The following HOXA3 variants were observed in gnomAD, a reference collection of about 807,000 sequenced individuals.
The protein encoded by HOXA3 is homeobox protein Hox-A3.
In HOXA3, 8 loss-of-function variants were observed where a neutral mutation model predicts 30.3. The observed-to-expected ratio is 0.26, with a 90% CI of 0.15 to 0.48. The LOEUF is 0.48. Among genes scored for constraint, HOXA3 ranks in the 20% least tolerant of loss-of-function variants. The pLI is 0.99. For missense variants in HOXA3, 653 were observed against 614.4 expected, an observed-to-expected ratio of 1.06 and a Z score of -0.66; for synonymous variants, 323 against 273.1, an observed-to-expected ratio of 1.18 and a Z score of -1.80.
At chr7:27,136,483 T>C (rs527468427) in intron 2 of HOXA3, among the ~76,000 whole-genome samples, 1 of 152,292 alleles carries the variant, frequency 6.6e-6, no homozygotes, top group Non-Finnish European at 1.5e-5. Context: ...TGGAGACACT[T>C]TTTCCCTTTA....
chr7:27,119,158 CA>C (rs1448394023), intron 4 of HOXA3, among the ~76,000 whole-genome samples: 64 of 84,710 alleles, frequency 7.6e-4, no homozygotes, highest in Middle Eastern at 5.2e-3. Flanking sequence ...CCCCCCCCCC[CA>C]AAAAAAATAA....
intron 1 of HOXA3, chr7:27,147,114 G>T (rs997839392): frequency 2.9e-5 from 18 of 624,282 alleles, no homozygotes; most frequent in Non-Finnish European, 5.0e-5. Context: ...CTGGGGCCTT[G>T]CCCTTCCTCT....
chr7:27,125,539 G>A (rs770364791), intron 3 of HOXA3, among the ~76,000 whole-genome samples: 4 of 152,216 alleles, frequency 2.6e-5, no homozygotes, highest in Admixed American at 1.3e-4. Flanking sequence ...TCCTCCTATT[G>A]TTTCCAGCCC....
At chr7:27,109,966 C>T (rs1784267062) in intron 5 of HOXA3, 149 bp downstream of exon 5, 2 of 960,276 alleles carry the variant, frequency 2.1e-6, no homozygotes, top group East Asian at 5.0e-5. Flanking sequence ...GTTGCAAAGA[C>T]TATGAAAACC....
chr7:27,137,344 C>T (rs906388431), intron 2 of HOXA3, among the ~76,000 whole-genome samples: 1 of 152,140 alleles, frequency 6.6e-6, no homozygotes, highest in Non-Finnish European at 1.5e-5. Context: ...CCAGAAGCTT[C>T]CTGTTGTATT....
chr7:27,143,189 C>T, intron 1 of HOXA3: 1 of 1,611,508 alleles, frequency 6.2e-7, no homozygotes, highest in Non-Finnish European at 8.5e-7. Context: ...AACCCCCTCT[C>T]TGCTGCTGAT....
At chr7:27,134,891 G>GT (rs1175497301) in intron 2 of HOXA3, among the ~76,000 whole-genome samples, 2 of 152,134 alleles carry the variant, frequency 1.3e-5, no homozygotes, top group Non-Finnish European at 2.9e-5. Flanking sequence ...TATTTCCAAA[G>GT]TTAAAAAAGA....
intron 2 of HOXA3, 52 bp downstream of exon 2, chr7:27,140,031 G>GAC (rs1303752230): frequency 7.4e-6 from 1 of 135,668 alleles, no homozygotes; most frequent in Non-Finnish European, 1.6e-5. Context: ...GAGAGAGAGA[G>GAC]AAAGTTTCCA....
intron 2 of HOXA3, among the ~76,000 whole-genome samples, chr7:27,135,833 CA>C (rs1562725241): frequency 6.6e-6 from 1 of 152,168 alleles, no homozygotes; most frequent in African/African-American, 2.4e-5. Flanking sequence ...CCTGGTTCTC[CA>C]ACACCTAAGG....
chr7:27,112,818 T>C (rs1404785968), intron 4 of HOXA3, among the ~76,000 whole-genome samples: 4 of 152,260 alleles, frequency 2.6e-5, no homozygotes, highest in Non-Finnish European at 4.4e-5. Flanking sequence ...ATATTTCTAG[T>C]GACTTGCTAA....
In HOXA3 at chr7:27,110,596, G is replaced by A. The variant is rs144186811; in HGVS notation, c.45C>T (p.Gly15=). The change falls in exon 5 of 6, where the codon GGC becomes GGT. Residue 15 remains glycine, a synonymous_variant. Coordinates refer to ENST00000612286, the MANE Select transcript of HOXA3 (RefSeq NM_153631.3). ...ACCCGTTGGCTGCCTGGTAGGGGTA[G>A]CCACCGTAGATCGCCGAGCTGTCGT... is the stretch of plus-strand genomic sequence containing the variant. ...TYYDSSAIYG[G]YPYQAANGFA... 26 of 1,607,514 alleles carry A rather than the reference G, an allele frequency of 1.6e-5. No homozygotes were observed. In the African/African-American group the frequency reaches 3.2e-4, roughly 20 times the overall value.
intron 2 of HOXA3, among the ~76,000 whole-genome samples, chr7:27,127,757 T>G (rs1328832199): frequency 6.6e-6 from 1 of 152,136 alleles, no homozygotes; most frequent in Non-Finnish European, 1.5e-5. Context: ...AGCAGAAAAT[T>G]CACAAAGCAT....
intron 4 of HOXA3, among the ~76,000 whole-genome samples, chr7:27,120,350 G>C (rs768319732): frequency 3.3e-5 from 5 of 152,138 alleles, no homozygotes; most frequent in Non-Finnish European, 5.9e-5. Flanking sequence ...AGACCAGCCT[G>C]AACAACATGG....
chr7:27,137,778 C>T (rs1785759169), intron 2 of HOXA3, among the ~76,000 whole-genome samples: 5 of 152,192 alleles, frequency 3.3e-5, no homozygotes, highest in Admixed American at 2.0e-4. Flanking sequence ...ACAATATTTA[C>T]AGCCTGTAAT....
intron 2 of HOXA3, chr7:27,134,407 C>T (rs1785654040): frequency 6.6e-6 from 1 of 152,172 alleles, no homozygotes; most frequent in Non-Finnish European, 1.5e-5. Context: ...ACACTAAAAG[C>T]AATAAATTCT....
At chr7:27,134,395 G>A (rs143285901) in intron 2 of HOXA3, 28 of 152,314 alleles carry the variant, frequency 1.8e-4, no homozygotes, top group African/African-American at 6.7e-4. Flanking sequence ...GATAAAGCAA[G>A]CACACTAAAA....
chr7:27,147,702 G>T (rs370341498), intron 1 of HOXA3: 24 of 1,612,544 alleles, frequency 1.5e-5, no homozygotes, highest in Middle Eastern at 1.6e-4. Flanking sequence ...AGTCCTGGCC[G>T]CTGGGAAGGC....
intron 1 of HOXA3, chr7:27,142,726 C>T (rs1413306030): frequency 2.8e-6 from 1 of 358,610 alleles, no homozygotes; most frequent in Non-Finnish European, 5.0e-6. Flanking sequence ...CATCCTCTAC[C>T]TCTCTGCGCC....
chr7:27,148,278 A>G (rs1782854811), intron 1 of HOXA3, among the ~76,000 whole-genome samples: 1 of 152,254 alleles, frequency 6.6e-6, no homozygotes, highest in Non-Finnish European at 1.5e-5. Context: ...CACTCCAGGC[A>G]CGGCCCAGAG....
Sources: allele counts gnomAD v4.1 joint callset (sites outside exome capture counted in the v4.1 genomes callset), GRCh38; gene constraint gnomAD v4.1.1; transcripts MANE v1.5; gene names NCBI Gene and HGNC (gene_info 2026-07-23, HGNC 2026-07-21).